Variants in KLRG2 observed in about 807,000 individuals in gnomAD.
The protein encoded by KLRG2 is killer cell lectin like receptor G2.
KLRG2 carries 39 observed loss-of-function variants against 35.4 expected under a neutral mutation model. The observed-to-expected ratio is 1.10, with a 90% CI of 0.85 to 1.44. The LOEUF is 1.44. Among genes scored for constraint, KLRG2 ranks in the 40% most tolerant of loss-of-function variants. KLRG2 has a pLI of 0.00. For missense variants in KLRG2, 632 were observed against 570.9 expected (o/e 1.11, Z -1.09); for synonymous variants, 283 against 265.8 (o/e 1.06, Z -0.63).
downstream of KLRG2, among the ~76,000 whole-genome samples, chr7:139,450,249 A>T (rs1246286218): frequency 6.6e-6 from 1 of 150,802 alleles, no homozygotes; most frequent in Admixed American, 6.6e-5. Context: ...TTTGAGACGG[A>T]GTCTTGCTCT....
intron 3 of KLRG2, among the ~76,000 whole-genome samples, chr7:139,477,036 A>T (rs1223360702): frequency 6.6e-6 from 1 of 152,162 alleles, no homozygotes; most frequent in Non-Finnish European, 1.5e-5. Flanking sequence ...GCACTGACGG[A>T]AGGAGTGCTG....
intron 3 of KLRG2, among the ~76,000 whole-genome samples, chr7:139,473,606 C>T (rs890575418): frequency 6.0e-4 from 91 of 152,028 alleles, no homozygotes; most frequent in African/African-American, 2.2e-3. Flanking sequence ...ATAAAAAGTA[C>T]ACACAAAAAA....
chr7:139,450,248 G>A (rs1039277454), downstream of KLRG2, among the ~76,000 whole-genome samples: 1 of 151,078 alleles, frequency 6.6e-6, no homozygotes, highest in African/African-American at 2.4e-5. Context: ...TTTTGAGACG[G>A]AGTCTTGCTC....
chr7:139,483,115 T>C lies in KLRG2; in HGVS notation c.528A>G (p.Pro176=). The change falls in exon 1 of 5, where the codon CCA becomes CCG. Residue 176 remains proline (P), a synonymous_variant. Transcript: ENST00000340940. ...DPAHQLLLRA[P]SQGGTWGRRS... ...GGCGGCCCCACGTGCCGCCCTGGGA[T>C]GGTGCGCGCAGCAGGAGCTGGTGCG... is the stretch of plus-strand genomic sequence containing the variant. 6.8e-7 allele frequency: 1 copy of C among 1,475,598 alleles called. No homozygotes were observed. The highest frequency in any genetic ancestry group is 8.9e-7 in the Non-Finnish European group (1 of 1,121,882). The allele number at this position is 1,475,598 out of a possible 1,614,324, so 91.4% of individuals were successfully genotyped here. A position where few individuals can be genotyped will look rare whatever the true frequency, so the allele number is the denominator to read the frequency against.
rs1041734303 is a variant in KLRG2, at chr7:139,483,642, TCCC to T, written c.-3_-1del. ...GGCGCAGCCTCCCAAGACTCCTCCA[TCCC>T]GCGCGCCCCGCCACCCGGAGACGCT... On this transcript the variant is annotated 5_prime_UTR_variant, in exon 1 of 5. Coordinates refer to ENST00000340940, the MANE Select transcript of KLRG2 (RefSeq NM_198508.4). 1.5e-5 allele frequency: 22 copies of T among 1,508,314 alleles called. No homozygotes were observed. In the African/African-American group the frequency reaches 2.4e-4, roughly 17 times the overall value. The allele number at this position is 1,508,314 out of a possible 1,614,324, so 93.4% of individuals were successfully genotyped here. A position where few individuals can be genotyped will look rare whatever the true frequency, so the allele number is the denominator to read the frequency against.
intron 3 of KLRG2, among the ~76,000 whole-genome samples, chr7:139,471,085 T>A (rs1448049537): frequency 6.6e-6 from 1 of 151,784 alleles, no homozygotes; most frequent in Non-Finnish European, 1.5e-5. Flanking sequence ...TGACCTCAGG[T>A]GATCCACCTG....
rs1796949331 is a variant in KLRG2 at position 139,480,938 on chromosome 7, T to C, written c.758-691A>G. ...TTCATATCTTTAGTAGAGATGGGGT[T>C]TGACGATGTTGGTCAGGCTGGTCTT... On this transcript the variant is annotated intron_variant, in intron 1 of 4. Coordinates refer to ENST00000340940, the MANE Select transcript of KLRG2 (RefSeq NM_198508.4). Among the ~76,000 whole-genome samples the C allele has an allele frequency of 2.0e-5, 3 of 151,762 alleles. No homozygotes were observed. The South Asian group carries it at 6.2e-4, about 32-fold the overall frequency.
chr7:139,451,507 A>T (rs907853600), downstream of KLRG2, among the ~76,000 whole-genome samples: 5 of 148,470 alleles, frequency 3.4e-5, no homozygotes, highest in East Asian at 1.9e-4. Context: ...TCAAAAAAAA[A>T]TTTTTTTTTT....
chr7:139,427,141 G>A, the KLRG2 span, among the ~76,000 whole-genome samples: 1 of 152,182 alleles, frequency 6.6e-6, no homozygotes, highest in Non-Finnish European at 1.5e-5. Flanking sequence ...GTTAGGAAAG[G>A]TTAGAGAGCT....
the KLRG2 span, among the ~76,000 whole-genome samples, chr7:139,436,005 G>T: frequency 1.8e-4 from 28 of 151,816 alleles, no homozygotes; most frequent in Admixed American, 1.6e-3. Context: ...ATGTTCAAGT[G>T]ATTCTCCTGT....
intron 3 of KLRG2, among the ~76,000 whole-genome samples, chr7:139,456,022 TA>T (rs879849272): frequency 1.1e-3 from 158 of 144,966 alleles, no homozygotes; most frequent in Middle Eastern, 3.5e-3. Flanking sequence ...TCATGCCATG[TA>T]AAAAAAAAAA....
the KLRG2 span, among the ~76,000 whole-genome samples, chr7:139,436,640 C>T: frequency 6.6e-6 from 1 of 152,226 alleles, no homozygotes; most frequent in Non-Finnish European, 1.5e-5. Flanking sequence ...CCGGCTCCAG[C>T]CAGTCCCAAG....
the KLRG2 span, among the ~76,000 whole-genome samples, chr7:139,436,399 C>T: frequency 1.3e-5 from 2 of 152,180 alleles, no homozygotes; most frequent in Non-Finnish European, 2.9e-5. Context: ...CGTTTCCACA[C>T]TGGTAACAGT....
intron 3 of KLRG2, among the ~76,000 whole-genome samples, chr7:139,471,763 C>T (rs1036782616): frequency 1.3e-5 from 2 of 152,230 alleles, no homozygotes; most frequent in African/African-American, 4.8e-5. Context: ...ACGTCAGGCA[C>T]TGCAGGCAGC....
At chr7:139,440,339 C>T in the KLRG2 span, among the ~76,000 whole-genome samples, 121 of 138,414 alleles carry the variant, frequency 8.7e-4, no homozygotes, top group Non-Finnish European at 1.5e-3. Flanking sequence ...AGGCTGATCT[C>T]GAACTCCTGT....
intron 1 of KLRG2, 46 bp downstream of exon 1, chr7:139,482,836 ACGTC>A: frequency 7.4e-7 from 1 of 1,356,124 alleles, no homozygotes; most frequent in South Asian, 1.8e-5. Context: ...GGTTTCGGCT[ACGTC>A]CACCCGACCT....
chr7:139,476,187 G>C (rs1796847149), intron 3 of KLRG2, among the ~76,000 whole-genome samples: 2 of 152,304 alleles, frequency 1.3e-5, no homozygotes, highest in South Asian at 2.1e-4. Flanking sequence ...CGGATCGCCT[G>C]AGTCCAGGAG....
intron 3 of KLRG2, among the ~76,000 whole-genome samples, chr7:139,477,670 G>C (rs1796874479): frequency 6.6e-6 from 1 of 152,108 alleles, no homozygotes; most frequent in African/African-American, 2.4e-5. Flanking sequence ...GGTGGTGATA[G>C]GTGCTCAACA....
intron 3 of KLRG2, among the ~76,000 whole-genome samples, chr7:139,461,942 G>A (rs1796576579): frequency 6.6e-6 from 1 of 152,116 alleles, no homozygotes; most frequent in Non-Finnish European, 1.5e-5. Context: ...ACGACCTCTG[G>A]TCCTCAGACC....
Sources: gnomAD v4.1 joint callset for allele counts (sites outside exome capture counted in the v4.1 genomes callset) on GRCh38, gnomAD v4.1.1 for gene constraint, MANE v1.5 for transcripts, NCBI Gene and HGNC (gene_info 2026-07-23, HGNC 2026-07-21) for gene names.